The following EPG5 variants were observed in gnomAD, a reference collection of about 807,000 sequenced individuals.
EPG5 encodes the protein ectopic P granules protein 5 homolog.
EPG5 carries 159 observed loss-of-function variants against 302.7 expected under a neutral mutation model. The observed-to-expected ratio is 0.53, with a 90% CI of 0.46 to 0.60. The LOEUF (loss-of-function observed/expected upper bound fraction) is 0.60. Ranked by LOEUF, EPG5 falls within the 20% of genes least tolerant of loss-of-function variation. The pLI is 0.00. For synonymous variants in EPG5, 1,158 were observed against 1,136.8 expected, an observed-to-expected ratio of 1.02 and a Z score of -0.37; for missense variants, 2,896 against 3,092.4, an observed-to-expected ratio of 0.94 and a Z score of 1.51.
At chr18:45,905,355 C>G (rs2049724488) in intron 24 of EPG5, among the ~76,000 whole-genome samples, 1 of 152,174 alleles carries the variant, frequency 6.6e-6, no homozygotes, top group South Asian at 2.1e-4. Flanking sequence ...TCCTTGGCTT[C>G]TCAATAAGCA....
chr18:45,899,255 T>C (rs928057954), intron 27 of EPG5, 149 bp downstream of exon 27: 2 of 809,436 alleles, frequency 2.5e-6, no homozygotes, highest in African/African-American at 3.4e-5. Context: ...TGTGATTAGC[T>C]CTATGAGTGT....
At chr18:45,843,176 C>G (rs759430911), downstream of EPG5, 1 of 152,296 alleles carries the variant, frequency 6.6e-6, no homozygotes, top group Non-Finnish European at 1.5e-5. Flanking sequence ...AAAGCAGCTA[C>G]AGCTCTGACC....
rs375030392 is a variant in EPG5, at chr18:45,889,834, A to T, written c.4916T>A (p.Ile1639Asn). ...TTCTGCATGTACAGCAGCTTCCACA[A>T]TATTAAGTGATGGTGGTTTAGCAGC... ...AEAAKPPSLN[I>N]VEAAVHAENL... The change falls in exon 28 of 44, where the codon ATT (isoleucine) becomes AAT (asparagine). Residue 1639 changes from isoleucine (I) to asparagine (N), a missense_variant. This residue lies in a region of EPG5 where 790 missense variants were observed against 798.0 expected (regional missense o/e 0.99). Transcript: ENST00000282041. The T allele has an allele frequency of 3.8e-5, 61 of 1,611,844 alleles. No homozygotes were observed. The highest frequency in any genetic ancestry group is 5.1e-5 in the Non-Finnish European group (60 of 1,179,116).
At chr18:45,909,438 C>A (rs1203032314) in intron 23 of EPG5, among the ~76,000 whole-genome samples, 3 of 152,098 alleles carry the variant, frequency 2.0e-5, no homozygotes, top group East Asian at 1.9e-4. Context: ...GACAGAGAGT[C>A]GTAAAAGGTT....
chr18:45,893,931 C>T (rs751404436), intron 27 of EPG5, among the ~76,000 whole-genome samples: 4 of 152,162 alleles, frequency 2.6e-5, no homozygotes, highest in Non-Finnish European at 5.9e-5. Flanking sequence ...AGGGAACTTA[C>T]TTATGAAGGG....
chr18:45,823,660 ATC>A, the EPG5 span, among the ~76,000 whole-genome samples: 1 of 152,138 alleles, frequency 6.6e-6, no homozygotes, highest in East Asian at 1.9e-4. Context: ...TAATTGATTT[ATC>A]TAACTGCTAG....
intron 32 of EPG5, 129 bp from the exon 33 acceptor site, chr18:45,879,343 T>A: frequency 1.6e-6 from 1 of 638,576 alleles, no homozygotes; most frequent in Non-Finnish European, 2.7e-6. Flanking sequence ...ATATAAAGCA[T>A]ATGAGAAATA....
chr18:45,946,726 C>T lies in EPG5; in HGVS notation c.1614G>A (p.Arg538=). The T allele has an allele frequency of 2.2e-5, 35 of 1,614,190 alleles. No homozygotes were observed. Among genetic ancestry groups the T allele is most frequent in the Non-Finnish European group, 2.9e-5 (34 of 1,180,044 alleles). Reference sequence around the variant, plus strand: ...ACCCAGGCCCTGAGGAGGATGGCTTCCGCTCGCTGGGCTTCATGTGGCACA... The same window carrying T: ...ACCCAGGCCCTGAGGAGGATGGCTTTCGCTCGCTGGGCTTCATGTGGCACA... ...EFMCHMKPSE[R]KPSSSGPGSG... The change falls in exon 7 of 44, where the codon CGG becomes CGA. Residue 538 remains arginine, a synonymous_variant. Transcript: ENST00000282041.
In EPG5 at chr18:45,919,759, G is replaced by A. The variant is rs540280262; in HGVS notation, c.3099-1940C>T. ...GATCTCCTGACCTCGTGATCCGCCC[G>A]CCTCGGCCTCCCAAAGTGCTGGGAT... is the stretch of plus-strand genomic sequence containing the variant. On this transcript the variant is annotated intron_variant, in intron 16 of 43. Transcript: ENST00000282041. Among the ~76,000 whole-genome samples, 401 of 152,152 alleles carry A rather than the reference G, an allele frequency of 2.6e-3. 2 individuals are homozygous for A. The highest frequency in any genetic ancestry group is 6.8e-3 in the Middle Eastern group (2 of 294).
intron 1 of EPG5, among the ~76,000 whole-genome samples, chr18:45,963,236 G>A (rs548793664): frequency 1.3e-5 from 2 of 152,298 alleles, no homozygotes; most frequent in South Asian, 4.1e-4. Context: ...CCAGGAAGAT[G>A]AGAAAAAGCT....
At chr18:45,906,419 G>A (rs1236141768) in intron 24 of EPG5, among the ~76,000 whole-genome samples, 1 of 152,018 alleles carries the variant, frequency 6.6e-6, no homozygotes, top group East Asian at 1.9e-4. Context: ...GCCCTACCCT[G>A]CACCTTTCTG....
intron 24 of EPG5, 39 bp downstream of exon 24, chr18:45,907,919 C>A (rs760110878): frequency 2.6e-6 from 3 of 1,135,880 alleles, no homozygotes; most frequent in African/African-American, 4.1e-5. Context: ...TTCAGATATG[C>A]TAAAAAAAAA....
At chr18:45,901,737 T>C (rs897230826) in intron 25 of EPG5, among the ~76,000 whole-genome samples, 1 of 151,376 alleles carries the variant, frequency 6.6e-6, no homozygotes, top group Non-Finnish European at 1.5e-5. Context: ...AACAAATGAT[T>C]TATGGAGTCC....
At chr18:45,801,607 C>T in the EPG5 span, among the ~76,000 whole-genome samples, 7 of 152,196 alleles carry the variant, frequency 4.6e-5, no homozygotes, top group African/African-American at 1.2e-4. Context: ...TTGCACAACA[C>T]ACCCTCTTGT....
Position 45,955,335 on chromosome 18 carries a change from T to C in EPG5, c.67A>G (p.Lys23Glu). The change falls in exon 2 of 44, where the codon AAG (lysine) becomes GAG (glutamate). Residue 23 changes from lysine to glutamate, a missense_variant. Transcript: ENST00000282041. ...CTCTGAGGAGTTTCATACTTCTTCT[T>C]TTCCTAAAAACAACATACATAATGT... ...AKASRTKTKE[K>E]KKYETPQREE... 4 of 1,538,242 alleles carry C rather than the reference T, an allele frequency of 2.6e-6. No homozygotes were observed. Among genetic ancestry groups the C allele is most frequent in the Non-Finnish European group, 3.5e-6 (4 of 1,143,182 alleles).
At chr18:45,923,193 A>C in intron 15 of EPG5, 75 bp downstream of exon 15, 1 of 1,513,082 alleles carries the variant, frequency 6.6e-7, no homozygotes, top group Non-Finnish European at 9.0e-7. Flanking sequence ...CAATAGTATA[A>C]GTCTATCATC....
Position 45,887,856 on chromosome 18 carries a change from A to G in EPG5, c.5004T>C (p.Val1668=). ...CAATAGTAAAGAAAAGGCTAATGCC[A>G]ACTTTCTGAATCCCAGGTGTAGGCT... The part of the protein sequence containing the change: ...KLQPTPGIQK[V]GISLFFTIVD... Residue 1668 remains valine, a synonymous_variant, in exon 29 of 44, where the codon GTT becomes GTC. Transcript: ENST00000282041. 6.3e-7 allele frequency: 1 copy of G among 1,599,880 alleles called. No homozygotes were observed. Among genetic ancestry groups the G allele is most frequent in the Non-Finnish European group, 8.6e-7 (1 of 1,169,324 alleles).
the EPG5 span, among the ~76,000 whole-genome samples, chr18:45,829,656 C>T: frequency 1.3e-5 from 2 of 152,274 alleles, no homozygotes; most frequent in African/African-American, 4.8e-5. Context: ...TGTTAGCATG[C>T]CCAGGTGCCC....
chr18:45,811,940 TA>T, the EPG5 span, among the ~76,000 whole-genome samples: 5 of 152,024 alleles, frequency 3.3e-5, no homozygotes, highest in Non-Finnish European at 7.4e-5. Context: ...GAGAAAGAAA[TA>T]AAGGGTATTC....
Sources: allele counts gnomAD v4.1 joint callset (sites outside exome capture counted in the v4.1 genomes callset), GRCh38; gene constraint gnomAD v4.1.1; regional missense constraint gnomAD v4.1.1; transcripts MANE v1.5; gene names NCBI Gene and HGNC (gene_info 2026-07-23, HGNC 2026-07-21).